Variants in MBNL3 observed in about 807,000 individuals in gnomAD.
MBNL3 encodes the protein muscleblind like splicing regulator 3.
MBNL3 carries 6 observed loss-of-function variants against 24.5 expected under a neutral mutation model. The observed-to-expected ratio is 0.25, with a 90% CI of 0.13 to 0.48. The LOEUF is 0.48. MBNL3 is among the 20% of genes least tolerant of loss of function. The pLI is 0.99. For synonymous variants in MBNL3, 100 were observed against 101.7 expected, an observed-to-expected ratio of 0.98 and a Z score of 0.10; for missense variants, 230 against 293.5, an observed-to-expected ratio of 0.78 and a Z score of 1.58.
chrX:132,443,720 T>A (rs1310451565), intron 1 of MBNL3, among the ~76,000 whole-genome samples: 1 of 111,569 alleles, frequency 9.0e-6, no homozygotes, highest in African/African-American at 3.3e-5. Context: ...CCATGAATGA[T>A]ACACCAAGCA....
At chrX:132,383,206 G>A (rs1935345022) in intron 7 of MBNL3, among the ~76,000 whole-genome samples, 1 of 112,252 alleles carries the variant, frequency 8.9e-6, no homozygotes, top group African/African-American at 3.2e-5. Flanking sequence ...TTTTCTGAAA[G>A]TCTAAAGAGA....
intron 1 of MBNL3, among the ~76,000 whole-genome samples, chrX:132,444,245 C>T (rs1441760018): frequency 9.1e-6 from 1 of 110,450 alleles, no homozygotes; most frequent in Non-Finnish European, 1.9e-5. Flanking sequence ...AACATTAACC[C>T]TTCTGTTGTA....
chrX:132,446,803 G>A (rs185211093), intron 1 of MBNL3, among the ~76,000 whole-genome samples: 11 of 111,603 alleles, frequency 9.9e-5, no homozygotes, highest in Non-Finnish European at 2.1e-4. Context: ...CATTGCTTTT[G>A]GTGTTTTAGT....
chrX:132,439,202 G>A (rs1488680926), intron 2 of MBNL3, among the ~76,000 whole-genome samples: 1 of 111,310 alleles, frequency 9.0e-6, no homozygotes, highest in East Asian at 2.8e-4. Context: ...GTGGTCTTTG[G>A]TGGAATGAGC....
chrX:132,444,675 T>C (rs1039965910), intron 1 of MBNL3, among the ~76,000 whole-genome samples: 1 of 111,463 alleles, frequency 9.0e-6, no homozygotes, highest in African/African-American at 3.3e-5. Flanking sequence ...TAATTTTGAC[T>C]TTGAATTGAT....
intron 2 of MBNL3, chrX:132,413,372 G>A: frequency 1.6e-6 from 1 of 630,717 alleles, no homozygotes; most frequent in Non-Finnish European, 2.4e-6. Context: ...TTTAGTATAA[G>A]TATGCCCCAT....
chrX:132,411,189 C>T, intron 2 of MBNL3: 1 of 754,385 alleles, frequency 1.3e-6, no homozygotes, highest in Non-Finnish European at 1.6e-6. Flanking sequence ...ACTGTACCCA[C>T]CTTCTTCATG....
chrX:132,477,218 T>C (rs1427736011), intron 1 of MBNL3, among the ~76,000 whole-genome samples: 1 of 112,107 alleles, frequency 8.9e-6, no homozygotes, highest in Non-Finnish European at 1.9e-5. Flanking sequence ...TCTCATTTCA[T>C]AAATTGATTG....
At chrX:132,488,619 AAAG>A (rs1444591012) in intron 1 of MBNL3, among the ~76,000 whole-genome samples, 1 of 111,739 alleles carries the variant, frequency 8.9e-6, no homozygotes, top group Non-Finnish European at 1.9e-5. Context: ...AGAAAAAAAG[AAAG>A]AAGGAAGGAA....
rs903937974 is a variant in MBNL3, at chrX:132,459,692, C to T, written c.-703-19378G>A. On this transcript the variant is annotated intron_variant, in intron 1 of 8. Coordinates refer to ENST00000370853, the MANE Select transcript of MBNL3 (RefSeq NM_001386889.1). ...GCAGGTGAGGAAACTAAGACCAGAC[C>T]CAGAGAAGTGAAGAAAGTGTGTTGT... is the stretch of plus-strand genomic sequence containing the variant. Among the ~76,000 whole-genome samples, 4 of 111,366 alleles carry T rather than the reference C, an allele frequency of 3.6e-5. No individual in the cohort carries two copies. In the East Asian group the frequency reaches 1.1e-3, roughly 31 times the overall value.
At chrX:132,419,855 G>T (rs1466400804) in intron 2 of MBNL3, among the ~76,000 whole-genome samples, 1 of 112,015 alleles carries the variant, frequency 8.9e-6, no homozygotes, top group Non-Finnish European at 1.9e-5. Context: ...ATTAATATGT[G>T]GCTGCATCAT....
At chrX:132,470,053 T>C (rs1947096292) in intron 1 of MBNL3, among the ~76,000 whole-genome samples, 1 of 112,139 alleles carries the variant, frequency 8.9e-6, no homozygotes, top group Non-Finnish European at 1.9e-5. Flanking sequence ...TTCCTTTCTA[T>C]TCCTGAATAT....
Position 132,434,095 on chromosome X carries a change from A to G in MBNL3, c.177+5340T>C, listed in dbSNP as rs139643510. Among the ~76,000 whole-genome samples, 942 of 112,098 alleles carry G rather than the reference A, an allele frequency of 8.4e-3. 10 individuals carry two copies. Among genetic ancestry groups the G allele is most frequent in the Non-Finnish European group, 0.012 (663 of 53,227 alleles). ...TGCTCCTCCTCCAACTCCCAATGAG[A>G]ATGTCTGCACCATGGAGGCAGGGAC... is the stretch of plus-strand genomic sequence containing the variant. On this transcript the variant is annotated intron_variant, in intron 2 of 8. Coordinates refer to ENST00000370853, the MANE Select transcript of MBNL3 (RefSeq NM_001386889.1).
intron 3 of MBNL3, among the ~76,000 whole-genome samples, chrX:132,405,698 C>T (rs1941669275): frequency 9.1e-6 from 1 of 109,826 alleles, no homozygotes; most frequent in African/African-American, 3.3e-5. Flanking sequence ...CATGGTGAAA[C>T]TCCATGTCTA....
At chrX:132,438,525 T>C (rs1326821500) in intron 2 of MBNL3, among the ~76,000 whole-genome samples, 2 of 110,852 alleles carry the variant, frequency 1.8e-5, no homozygotes, top group Non-Finnish European at 3.8e-5. Context: ...TTAATTCATT[T>C]TGACATATTT....
intron 3 of MBNL3, among the ~76,000 whole-genome samples, chrX:132,399,361 A>C (rs1940432022): frequency 9.0e-6 from 1 of 110,905 alleles, no homozygotes; most frequent in African/African-American, 3.3e-5. Flanking sequence ...ACATACATGA[A>C]TCCCATATGT....
In MBNL3 at chrX:132,374,568, T is replaced by C. The variant is rs935052264; in HGVS notation, c.*5098A>G. 1 of 111,174 alleles carries C rather than the reference T, an allele frequency of 9.0e-6. No individual in the cohort carries two copies. The highest frequency in any genetic ancestry group is 3.3e-5 in the African/African-American group (1 of 30,562). 9.2% of individuals were successfully genotyped at this position (111,174 alleles called of 1,213,427 possible). ...TCAAAGCCTTAGAAATAACTCTCTC[T>C]TACTAACTTTTCCACTATTATCACA... On this transcript the variant is annotated 3_prime_UTR_variant, in exon 9 of 9. Transcript: ENST00000370853.
At chrX:132,404,852 A>G (rs924750355) in intron 3 of MBNL3, among the ~76,000 whole-genome samples, 26 of 112,020 alleles carry the variant, frequency 2.3e-4, no homozygotes, top group Admixed American at 2.8e-4. Context: ...TCAACTTTCA[A>G]TATGTTCATT....
chrX:132,400,726 T>G (rs1361522310), intron 3 of MBNL3, among the ~76,000 whole-genome samples: 1 of 111,547 alleles, frequency 9.0e-6, no homozygotes, highest in Non-Finnish European at 1.9e-5. Context: ...ACAGTAGGCT[T>G]CAGTTGATAT....
Sources: allele counts gnomAD v4.1 joint callset (sites outside exome capture counted in the v4.1 genomes callset), GRCh38; gene constraint gnomAD v4.1.1; transcripts MANE v1.5; gene names NCBI Gene and HGNC (gene_info 2026-07-23, HGNC 2026-07-21).